PCDHGA11: variants seen among roughly 807,000 people sequenced by gnomAD.
The protein encoded by PCDHGA11 is protocadherin gamma subfamily A, 11.
A neutral mutation model predicts 60.4 loss-of-function variants in PCDHGA11; 39 were observed. That is an observed-to-expected ratio of 0.65 (90% CI 0.50 to 0.84). PCDHGA11 has a LOEUF of 0.84. Among genes scored for constraint, PCDHGA11 ranks in the 40% least tolerant of loss-of-function variants. PCDHGA11 has a pLI of 0.00. For synonymous variants in PCDHGA11, 533 were observed against 510.3 expected (o/e 1.04, Z -0.60); for missense variants, 1,165 against 1,197.7 (o/e 0.97, Z 0.40).
Position 141,423,542 on chromosome 5 carries a change from C to T in PCDHGA11, c.2315C>T (p.Pro772Leu), listed in dbSNP as rs755766737. 4.3e-6 allele frequency: 7 copies of T among 1,613,616 alleles called. No individual in the cohort carries two copies. The African/African-American group carries it at 6.7e-5, about 15-fold the overall frequency. The stretch of plus-strand genomic sequence containing the variant: ...TCGCAGAAGAGTCACCTGATTTTCC[C>T]CCAGCCCAACTATGGGGACACGCTC... Reference protein sequence around the residue: ...ADSQKSHLIFPQPNYGDTLIS... With the variant: ...ADSQKSHLIFLQPNYGDTLIS... The change falls in exon 1 of 4, where the codon CCC becomes CTC. Residue 772 changes from proline to leucine, a missense_variant. Transcript: ENST00000398587.
In PCDHGA11 at chr5:141,432,872, C is replaced by G; in HGVS notation, c.2433+9212C>G. 4 of 1,614,192 alleles carry G rather than the reference C, an allele frequency of 2.5e-6. No individual in the cohort carries two copies. The highest frequency in any genetic ancestry group is 3.4e-6 in the Non-Finnish European group (4 of 1,180,018). ...GGTGGCCGCGGTCTCCTGCGTCTTCCTGGCCTTCGTCATCTTGCTGCTGGC... is the reference window on the plus strand; with the variant it reads ...GGTGGCCGCGGTCTCCTGCGTCTTCGTGGCCTTCGTCATCTTGCTGCTGGC... On this transcript the variant is annotated intron_variant, in intron 1 of 3. Coordinates refer to ENST00000398587, the MANE Select transcript of PCDHGA11 (RefSeq NM_018914.3). The surrounding 1 kb of genome is among the most constrained non-coding windows in gnomAD (Gnocchi z 6.0).
intron 1 of PCDHGA11, among the ~76,000 whole-genome samples, chr5:141,425,485 A>G (rs2096878362): frequency 6.6e-6 from 1 of 152,274 alleles, no homozygotes; most frequent in Non-Finnish European, 1.5e-5. Context: ...ATGGCAACCT[A>G]CTAGGCTATA....
rs909174523 is a variant in PCDHGA11 at position 141,474,102 on chromosome 5, A to AAAC, written c.2434-20695_2434-20693dup. 2.6e-5 allele frequency among the ~76,000 whole-genome samples: 4 copies of AAAC among 152,286 alleles called. No homozygotes were observed. In the East Asian group the frequency reaches 7.7e-4, roughly 29 times the overall value. ...AAAACCAAAAAACAAACAACAACAA[A>AAAC]AACAACAACAACGAAAATCTCAGAA... is the stretch of plus-strand genomic sequence containing the variant. On this transcript the variant is annotated intron_variant, in intron 1 of 3. Coordinates refer to ENST00000398587, the MANE Select transcript of PCDHGA11 (RefSeq NM_018914.3).
chr5:141,455,149 TTA>T (rs537241375), intron 1 of PCDHGA11, among the ~76,000 whole-genome samples: 1 of 148,248 alleles, frequency 6.7e-6, no homozygotes, highest in Non-Finnish European at 1.5e-5. Context: ...TAAATAAATA[TTA>T]GTTTGTTGGT....
Position 141,432,701 on chromosome 5 carries a change from G to A in PCDHGA11, c.2433+9041G>A, listed in dbSNP as rs200101512. ...GCAGAGCCTCGTAGTGGCCGTCCAG[G>A]ACCACGGCCAGCCCCCTCTCTCCGC... On this transcript the variant is annotated intron_variant, in intron 1 of 3. Coordinates refer to ENST00000398587, the MANE Select transcript of PCDHGA11 (RefSeq NM_018914.3). This position sits in a 1 kb window ranked among gnomAD's most constrained non-coding sequence, Gnocchi z 6.0. The A allele has an allele frequency of 2.7e-5, 44 of 1,613,842 alleles. No homozygotes were observed. The Admixed American group carries it at 5.3e-4, about 20-fold the overall frequency.
Position 141,487,289 on chromosome 5 carries a change from G to A in PCDHGA11, c.2434-7518G>A. The A allele has an allele frequency of 1.2e-6, 2 of 1,614,096 alleles. No individual in the cohort carries two copies. The highest frequency in any genetic ancestry group is 1.7e-6 in the Non-Finnish European group (2 of 1,180,024). On this transcript the variant is annotated intron_variant, in intron 1 of 3. Coordinates refer to ENST00000398587, the MANE Select transcript of PCDHGA11 (RefSeq NM_018914.3). The surrounding 1 kb of genome is among the most constrained non-coding windows in gnomAD (Gnocchi z 5.0). ...AGTGGCAATTTGCTTTGTCTCCTTTGGCTCATTCGTGGCACTACTCTCTAA... is the reference window on the plus strand; with the variant it reads ...AGTGGCAATTTGCTTTGTCTCCTTTAGCTCATTCGTGGCACTACTCTCTAA...
intron 1 of PCDHGA11, among the ~76,000 whole-genome samples, chr5:141,451,908 G>A (rs899191624): frequency 3.9e-5 from 6 of 152,046 alleles, no homozygotes; most frequent in African/African-American, 7.2e-5. Context: ...AAGGGAGGGA[G>A]GGAGGAAGGA....
intron 1 of PCDHGA11, among the ~76,000 whole-genome samples, chr5:141,456,824 G>C (rs2098890304): frequency 6.6e-6 from 1 of 152,052 alleles, no homozygotes; most frequent in African/African-American, 2.4e-5. Flanking sequence ...ATTAGCCATC[G>C]TGGTAGTGGG....
chr5:141,433,140 C>T (rs1394486228), intron 1 of PCDHGA11: 4 of 1,613,948 alleles, frequency 2.5e-6, no homozygotes, highest in African/African-American at 1.3e-5. Flanking sequence ...CTTTTGCTGT[C>T]AGGTGATTCG....
intron 3 of PCDHGA11, among the ~76,000 whole-genome samples, chr5:141,509,262 ACT>A (rs761383166): frequency 9.2e-5 from 14 of 151,714 alleles, no homozygotes; most frequent in Non-Finnish European, 1.9e-4. Flanking sequence ...GGCTTTAGTC[ACT>A]CTCGCTACCC....
chr5:141,423,751 G>GT, intron 1 of PCDHGA11, 91 bp downstream of exon 1: 12 of 349,026 alleles, frequency 3.4e-5, no homozygotes, highest in Non-Finnish European at 4.3e-5. Context: ...AAAACTGTTT[G>GT]GGGGGGGGGT....
At chr5:141,456,912 G>A (rs566842808) in intron 1 of PCDHGA11, among the ~76,000 whole-genome samples, 2 of 152,206 alleles carry the variant, frequency 1.3e-5, no homozygotes, top group South Asian at 2.1e-4. Context: ...GCAGTGAGCC[G>A]AGATCGCACC....
intron 1 of PCDHGA11, chr5:141,427,590 C>A: frequency 1.5e-6 from 1 of 679,008 alleles, no homozygotes; most frequent in Non-Finnish European, 2.7e-6. Flanking sequence ...CAGCACAAGC[C>A]TCACCCTACG....
At chr5:141,480,033 C>T (rs370321166) in intron 1 of PCDHGA11, among the ~76,000 whole-genome samples, 1 of 152,106 alleles carries the variant, frequency 6.6e-6, no homozygotes, top group African/African-American at 2.4e-5. Flanking sequence ...AAGCCTCTTC[C>T]TCATATGCAA....
At chr5:141,499,136 G>A (rs1488844131) in intron 2 of PCDHGA11, among the ~76,000 whole-genome samples, 1 of 152,100 alleles carries the variant, frequency 6.6e-6, no homozygotes, top group Non-Finnish European at 1.5e-5. Flanking sequence ...CATCCTTTGG[G>A]TGTCTGATCC....
At chr5:141,441,398 G>A (rs1257981333) in intron 1 of PCDHGA11, 1 of 154,848 alleles carries the variant, frequency 6.5e-6, no homozygotes, top group Non-Finnish European at 1.4e-5. Context: ...TATAACATCA[G>A]CATCACTGCC....
At chr5:141,497,742 T>C (rs2099779149) in intron 2 of PCDHGA11, among the ~76,000 whole-genome samples, 1 of 152,128 alleles carries the variant, frequency 6.6e-6, no homozygotes, top group South Asian at 2.1e-4. Context: ...TTTCGCCACG[T>C]TGGCCAGGCT....
rs112156044 is a variant in PCDHGA11, at chr5:141,476,771, G to A, written c.2434-18036G>A. The A allele has an allele frequency of 6.2e-7, 1 of 1,613,700 alleles. No homozygotes were observed. The highest frequency in any genetic ancestry group is 1.3e-5 in the African/African-American group (1 of 75,036). On this transcript the variant is annotated intron_variant, in intron 1 of 3. Coordinates refer to ENST00000398587, the MANE Select transcript of PCDHGA11 (RefSeq NM_018914.3). The surrounding 1 kb of genome is among the most constrained non-coding windows in gnomAD (Gnocchi z 7.6). ...CCAGTTAGTGCTGACGGCGTTGGAC[G>A]GAGGGACCCCAGCTCTCTCCGCCAG...
intron 1 of PCDHGA11, among the ~76,000 whole-genome samples, chr5:141,430,366 A>G (rs551419486): frequency 3.3e-5 from 5 of 150,370 alleles, no homozygotes; most frequent in Admixed American, 6.7e-5. Context: ...CTCATTGGGG[A>G]AAAAAAAGCT....
Sources: allele counts gnomAD v4.1 joint callset (sites outside exome capture counted in the v4.1 genomes callset), GRCh38; gene constraint gnomAD v4.1.1; non-coding constraint Gnocchi (gnomAD v3.1); transcripts MANE v1.5; gene names NCBI Gene and HGNC (gene_info 2026-07-23, HGNC 2026-07-21).